ZPBP: variants seen among roughly 807,000 people sequenced by gnomAD.
The protein encoded by ZPBP is zona pellucida binding protein.
In ZPBP, 26 loss-of-function variants were observed where a neutral mutation model predicts 44.8. The observed-to-expected ratio is 0.58, with a 90% CI of 0.43 to 0.81. ZPBP has a LOEUF of 0.81. ZPBP is among the 30% of genes least tolerant of loss of function. ZPBP has a pLI of 0.00. For missense variants in ZPBP, 409 were observed against 434.0 expected (o/e 0.94, Z 0.51); for synonymous variants, 174 against 153.2 (o/e 1.14, Z -1.00).
intron 6 of ZPBP, among the ~76,000 whole-genome samples, chr7:50,007,134 T>C (rs112374772): frequency 5.9e-5 from 9 of 151,978 alleles, no homozygotes; most frequent in Admixed American, 2.0e-4. Flanking sequence ...CCTCACAAGA[T>C]ACCAAATCTG....
chr7:49,936,255 T>C (rs1794617569), downstream of ZPBP: 2 of 152,276 alleles, frequency 1.3e-5, no homozygotes, highest in South Asian at 2.1e-4. Flanking sequence ...AAAACATCTC[T>C]AAACCGTATA....
intron 6 of ZPBP, among the ~76,000 whole-genome samples, chr7:50,013,613 G>T (rs1798682275): frequency 6.6e-6 from 1 of 151,632 alleles, no homozygotes; most frequent in Non-Finnish European, 1.5e-5. Flanking sequence ...AAAAATAATG[G>T]ATTACGAATT....
intron 2 of ZPBP, among the ~76,000 whole-genome samples, chr7:49,850,764 A>G (rs569687674): frequency 2.0e-5 from 3 of 152,344 alleles, no homozygotes; most frequent in Admixed American, 2.0e-4. Context: ...TTCACCCTGC[A>G]TAACTCTCAG....
chr7:49,873,916 A>C (rs536874114), intron 2 of ZPBP, among the ~76,000 whole-genome samples: 10 of 152,132 alleles, frequency 6.6e-5, no homozygotes, highest in South Asian at 2.1e-4. Context: ...TAAAAAAAAA[A>C]AACAACAAAA....
Position 49,937,466 on chromosome 7 carries a change from T to C in ZPBP, c.*62A>G, listed in dbSNP as rs1013457809. 4.1e-6 allele frequency: 5 copies of C among 1,225,238 alleles called. No individual in the cohort carries two copies. Among genetic ancestry groups the C allele is most frequent in the Non-Finnish European group, 4.8e-6 (4 of 832,544 alleles). The allele number at this position is 1,225,238 out of a possible 1,614,324, so 75.9% of individuals were successfully genotyped here. ...TTAATTTTGGCATAATAATTTATTATGTTAATATTTCAAATATATACTTTG... is the reference window on the plus strand; with the variant it reads ...TTAATTTTGGCATAATAATTTATTACGTTAATATTTCAAATATATACTTTG... On this transcript the variant is annotated 3_prime_UTR_variant, in exon 8 of 8. Transcript: ENST00000046087.
intron 6 of ZPBP, among the ~76,000 whole-genome samples, chr7:50,017,589 G>C (rs1233440166): frequency 2.0e-5 from 3 of 151,942 alleles, no homozygotes; most frequent in Non-Finnish European, 2.9e-5. Context: ...AAAAATAATG[G>C]ATATTGATCT....
At chr7:50,047,259 A>G (rs1246436931) in intron 4 of ZPBP, among the ~76,000 whole-genome samples, 1 of 152,068 alleles carries the variant, frequency 6.6e-6, no homozygotes, top group African/African-American at 2.4e-5. Context: ...ACAAACCTAC[A>G]TGTTCTACAC....
At chr7:50,053,014 T>A (rs1562591374) in intron 4 of ZPBP, among the ~76,000 whole-genome samples, 2 of 152,160 alleles carry the variant, frequency 1.3e-5, no homozygotes, top group African/African-American at 2.4e-5. Flanking sequence ...CTGTATCTTG[T>A]CTATGGTTGT....
In ZPBP at chr7:49,958,199, C is replaced by T. The variant is rs532185563; in HGVS notation, c.962-20577G>A. On this transcript the variant is annotated intron_variant, in intron 7 of 7. Coordinates refer to ENST00000046087, the MANE Select transcript of ZPBP (RefSeq NM_007009.3). ...AAATTTGCCTCAGGATGTATTGTGT[C>T]TTGAGTCTCGCCCACATACATCTGA... Among the ~76,000 whole-genome samples the T allele has an allele frequency of 3.9e-5, 6 of 152,194 alleles. No homozygotes were observed. In the South Asian group the frequency reaches 1.0e-3, roughly 26 times the overall value.
intron 6 of ZPBP, among the ~76,000 whole-genome samples, chr7:49,992,566 GA>G (rs1039528656): frequency 6.6e-5 from 10 of 151,706 alleles, no homozygotes; most frequent in African/African-American, 1.7e-4. Flanking sequence ...TAAACAGCTA[GA>G]AAAAAATATT....
intron 7 of ZPBP, among the ~76,000 whole-genome samples, chr7:49,974,572 A>C (rs1796423350): frequency 6.6e-6 from 1 of 152,166 alleles, no homozygotes. Flanking sequence ...TGGCAAAAAA[A>C]CCAATAAGTT....
chr7:49,991,563 C>A (rs1178981726), intron 6 of ZPBP, among the ~76,000 whole-genome samples: 3 of 152,086 alleles, frequency 2.0e-5, no homozygotes, highest in Non-Finnish European at 4.4e-5. Flanking sequence ...AAAAGCAAAA[C>A]AATCCATTCT....
chr7:49,925,786 A>G (rs1176246514), intron 1 of ZPBP, among the ~76,000 whole-genome samples: 1 of 152,168 alleles, frequency 6.6e-6, no homozygotes, highest in East Asian at 1.9e-4. Context: ...AGAATTACAC[A>G]TATTCTCCCC....
intron 4 of ZPBP, chr7:50,056,324 GCTT>G (rs981187282): frequency 2.0e-4 from 30 of 152,180 alleles, no homozygotes; most frequent in African/African-American, 7.0e-4. Context: ...TTGGCATGTG[GCTT>G]CTTCTTTGAT....
chr7:49,985,105 T>TG (rs1797201341), intron 6 of ZPBP, among the ~76,000 whole-genome samples: 2 of 152,228 alleles, frequency 1.3e-5, no homozygotes, highest in South Asian at 4.1e-4. Context: ...AATGGTACCC[T>TG]GTCCAGCGTT....
Position 49,960,434 on chromosome 7 carries a change from A to C in ZPBP, c.962-22812T>G, listed in dbSNP as rs142182992. On this transcript the variant is annotated intron_variant, in intron 7 of 7. Transcript: ENST00000046087. ...CTGTCTCAAAAAACAAACAAACAAA[A>C]AAAAAACAGTAGAAAATCTTTGTGA... Among the ~76,000 whole-genome samples the C allele has an allele frequency of 4.9e-3, 748 of 152,216 alleles. 4 individuals carry two copies. The highest frequency in any genetic ancestry group is 0.016 in the African/African-American group (665 of 41,558).
Position 49,974,637 on chromosome 7 carries a change from A to G in ZPBP, c.961+8705T>C, listed in dbSNP as rs186866464. Among the ~76,000 whole-genome samples the G allele has an allele frequency of 1.4e-3, 214 of 152,224 alleles. 1 individual carries two copies. Among genetic ancestry groups the G allele is most frequent in the Admixed American group, 3.4e-3 (52 of 15,294 alleles). On this transcript the variant is annotated intron_variant, in intron 7 of 7. Transcript: ENST00000046087. ...GAATTATAATCAATAAATATAGAAT[A>G]ATGAATACAGAAACTGCCATTAGGC... is the stretch of plus-strand genomic sequence containing the variant.
chr7:50,015,877 A>G (rs144043639), intron 6 of ZPBP, among the ~76,000 whole-genome samples: 1 of 152,324 alleles, frequency 6.6e-6, no homozygotes, highest in East Asian at 1.9e-4. Context: ...ATCTCATACC[A>G]GTAAGAATGG....
chr7:49,872,915 CAAAAAAAAAA>C (rs61473396), intron 2 of ZPBP, among the ~76,000 whole-genome samples: 2 of 33,946 alleles, frequency 5.9e-5, no homozygotes, highest in South Asian at 1.6e-3. Context: ...GACTTTGTCT[CAAAAAAAAAA>C]AAAAAAAAAA....
Sources: allele counts gnomAD v4.1 joint callset (sites outside exome capture counted in the v4.1 genomes callset), GRCh38; gene constraint gnomAD v4.1.1; transcripts MANE v1.5; gene names NCBI Gene and HGNC (gene_info 2026-07-23, HGNC 2026-07-21).